The following NWD1 variants were observed in gnomAD, a reference collection of about 807,000 sequenced individuals.
NWD1 encodes the protein NACHT domain- and WD repeat-containing protein 1.
A neutral mutation model predicts 135.1 loss-of-function variants in NWD1; 129 were observed. That is an observed-to-expected ratio of 0.96 (90% CI 0.83 to 1.11). The LOEUF (loss-of-function observed/expected upper bound fraction) is 1.11. Among genes scored for constraint, NWD1 ranks in the 50% least tolerant of loss-of-function variants. The pLI, the probability that NWD1 is intolerant of heterozygous loss-of-function variation, is 0.00. For synonymous variants in NWD1, 773 were observed against 786.0 expected, an observed-to-expected ratio of 0.98 and a Z score of 0.28; for missense variants, 1,740 against 1,851.3, an observed-to-expected ratio of 0.94 and a Z score of 1.10.
chr19:16,726,424 T>C (rs1261875257), intron 2 of NWD1, among the ~76,000 whole-genome samples: 1 of 152,050 alleles, frequency 6.6e-6, no homozygotes, highest in Non-Finnish European at 1.5e-5. Flanking sequence ...GAATTGATTT[T>C]AAACTGTTTT....
At chr19:16,728,312 TCTCA>T (rs1967411028) in intron 2 of NWD1, among the ~76,000 whole-genome samples, 1 of 135,248 alleles carries the variant, frequency 7.4e-6, no homozygotes, top group South Asian at 2.3e-4. Flanking sequence ...TGAGATGGAG[TCTCA>T]CTCTGTCGCC....
chr19:16,817,821 G>A lies in NWD1; in HGVS notation c.*2782G>A, dbSNP rs1371949924. ...TAAAGTAGATGTTGAGACCAATTAA[G>A]ATTTCACCTACAAATTCTGATTTTA... is the stretch of plus-strand genomic sequence containing the variant. On this transcript the variant is annotated 3_prime_UTR_variant, in exon 19 of 19. Coordinates refer to ENST00000524140, the MANE Select transcript of NWD1 (RefSeq NM_001007525.5). 1 of 152,122 alleles carries A rather than the reference G, an allele frequency of 6.6e-6. No homozygotes were observed. The highest frequency in any genetic ancestry group is 1.5e-5 in the Non-Finnish European group (1 of 68,024). 9.4% of individuals were successfully genotyped at this position (152,122 alleles called of 1,614,324 possible).
chr19:16,743,361 C>G (rs550862389), intron 4 of NWD1, among the ~76,000 whole-genome samples: 6 of 152,100 alleles, frequency 3.9e-5, no homozygotes, highest in Non-Finnish European at 7.4e-5. Flanking sequence ...CAGATGCACA[C>G]CCCCACACCC....
intron 5 of NWD1, among the ~76,000 whole-genome samples, chr19:16,748,008 G>C (rs1490967839): frequency 6.6e-6 from 1 of 152,078 alleles, no homozygotes; most frequent in Admixed American, 6.6e-5. Context: ...TTTTGAGATG[G>C]AGTCTCGCTC....
intron 4 of NWD1, among the ~76,000 whole-genome samples, chr19:16,742,195 C>A (rs1048557451): frequency 6.6e-6 from 1 of 151,774 alleles, no homozygotes; most frequent in African/African-American, 2.4e-5. Flanking sequence ...GCCAACATGG[C>A]GAAACCCTGT....
rs531304336 is a variant in NWD1, at chr19:16,750,463, T to C, written c.1769+52T>C. 108 of 1,373,802 alleles carry C rather than the reference T, an allele frequency of 7.9e-5. No homozygotes were observed. The African/African-American group carries it at 1.2e-3, about 15-fold the overall frequency. 85.1% of individuals were successfully genotyped at this position (1,373,802 alleles called of 1,614,324 possible). On this transcript the variant is annotated intron_variant, in intron 6 of 18. Transcript: ENST00000524140. ...ATTTATTTATTTATGTTTTCTTTTT[T>C]TATTTTTAGAGATGGAGGTCTGGCT...
At chr19:16,760,930 T>C (rs1054176312) in intron 7 of NWD1, among the ~76,000 whole-genome samples, 4 of 152,164 alleles carry the variant, frequency 2.6e-5, no homozygotes, top group African/African-American at 9.6e-5. Context: ...TTTAGTACAC[T>C]CATAATGTTG....
intron 1 of NWD1, among the ~76,000 whole-genome samples, chr19:16,723,383 G>A (rs2122657248): frequency 6.6e-6 from 1 of 152,242 alleles, no homozygotes; most frequent in South Asian, 2.1e-4. Context: ...ATTTTTTGTA[G>A]AAATGGGGTT....
chr19:16,754,494 A>G (rs1489864135), intron 6 of NWD1, among the ~76,000 whole-genome samples: 1 of 146,872 alleles, frequency 6.8e-6, no homozygotes, highest in African/African-American at 2.5e-5. Flanking sequence ...CCATCCATCC[A>G]TCCATCCATC....
In NWD1 at chr19:16,750,068, T is replaced by C; in HGVS notation, c.1426T>C (p.Leu476=). 6.2e-7 allele frequency: 1 copy of C among 1,614,014 alleles called. No individual in the cohort carries two copies. The highest frequency in any genetic ancestry group is 8.5e-7 in the Non-Finnish European group (1 of 1,180,002). The part of the protein sequence containing the change: ...LSACSGALGV[L]DTLQRVLLDP... ...AGCTTGCTCGGGGGCACTGGGGGTT[T>C]TGGACACCTTGCAGCGGGTGCTCCT... Residue 476 remains leucine, a synonymous_variant, in exon 6 of 19, where the codon TTG becomes CTG. Coordinates refer to ENST00000524140, the MANE Select transcript of NWD1 (RefSeq NM_001007525.5).
chr19:16,785,859 T>C (rs1240811009), intron 12 of NWD1, among the ~76,000 whole-genome samples: 1 of 150,676 alleles, frequency 6.6e-6, no homozygotes, highest in Non-Finnish European at 1.5e-5. Flanking sequence ...CCATTGACTC[T>C]TTTTTTTAAA....
Position 16,741,368 on chromosome 19 carries a change from G to GTTGT in NWD1, c.199-3051_199-3050insGTTT, listed in dbSNP as rs1050266542. 1.8e-4 allele frequency among the ~76,000 whole-genome samples: 22 copies of GTTGT among 125,008 alleles called. 1 individual carries two copies. The highest frequency in any genetic ancestry group is 3.3e-4 in the African/African-American group (11 of 33,312). 82.0% of individuals were successfully genotyped at this position (125,008 alleles called of 152,430 possible). A position where few individuals can be genotyped will look rare whatever the true frequency, so the allele number is the denominator to read the frequency against. On this transcript the variant is annotated intron_variant, in intron 4 of 18. Transcript: ENST00000524140. ...TTTTTTTGTTTTGTTTTGTTTTTGT[G>GTTGT]TTTTTTTTTTTTTTTTTGAGACAGT... is the stretch of plus-strand genomic sequence containing the variant.
At chr19:16,778,231 G>A (rs1426854951) in intron 11 of NWD1, among the ~76,000 whole-genome samples, 1 of 152,088 alleles carries the variant, frequency 6.6e-6, no homozygotes, top group Non-Finnish European at 1.5e-5. Context: ...AGAAAGTTCA[G>A]TTTCTTAGTG....
chr19:16,807,230 A>G (rs1419661442), intron 17 of NWD1, among the ~76,000 whole-genome samples: 1 of 151,554 alleles, frequency 6.6e-6, no homozygotes, highest in Admixed American at 6.6e-5. Context: ...GTGGTGGCTC[A>G]CGCCTGTAAT....
chr19:16,722,463 A>G (rs1257528188), intron 1 of NWD1, among the ~76,000 whole-genome samples: 1 of 151,828 alleles, frequency 6.6e-6, no homozygotes, highest in African/African-American at 2.4e-5. Flanking sequence ...CTAATTTTGT[A>G]TTTTTAGTAG....
chr19:16,751,989 G>A (rs1968601112), intron 6 of NWD1, among the ~76,000 whole-genome samples: 1 of 151,850 alleles, frequency 6.6e-6, no homozygotes, highest in African/African-American at 2.4e-5. Context: ...GTGAAAGGAA[G>A]GAAGGAAGGA....
At chr19:16,752,252 C>T (rs11882301) in intron 6 of NWD1, among the ~76,000 whole-genome samples, 3,057 of 151,544 alleles carry the variant, frequency 0.02, 92 homozygotes, top group African/African-American at 0.067. Flanking sequence ...CCATTTCAGA[C>T]CTTTGTCGGT....
chr19:16,813,020 G>T (rs1809307737), intron 18 of NWD1, among the ~76,000 whole-genome samples: 1 of 152,180 alleles, frequency 6.6e-6, no homozygotes, highest in South Asian at 2.1e-4. Context: ...CCCTCTTCTA[G>T]ACCCATGCTC....
chr19:16,772,426 G>A (rs1012076670), intron 10 of NWD1, among the ~76,000 whole-genome samples: 1 of 152,128 alleles, frequency 6.6e-6, no homozygotes, highest in Non-Finnish European at 1.5e-5. Context: ...TTAGGAGGCC[G>A]AGGCAGGTGG....
Sources: allele counts gnomAD v4.1 joint callset (sites outside exome capture counted in the v4.1 genomes callset), GRCh38; gene constraint gnomAD v4.1.1; transcripts MANE v1.5; gene names NCBI Gene and HGNC (gene_info 2026-07-23, HGNC 2026-07-21).